The following KLRG1 variants were observed in gnomAD, a reference collection of about 807,000 sequenced individuals.
KLRG1 encodes the protein killer cell lectin like receptor G1.
In KLRG1, 16 loss-of-function variants were observed where a neutral mutation model predicts 21.8. That is an observed-to-expected ratio of 0.73 (90% CI 0.50 to 1.11). The LOEUF is 1.11. KLRG1 is among the 50% of genes most tolerant of loss of function. KLRG1 has a pLI of 0.00. For missense variants in KLRG1, 173 were observed against 218.3 expected (o/e 0.79, Z 1.31); for synonymous variants, 69 against 75.9 (o/e 0.91, Z 0.47).
At chr12:9,193,893 T>G in the KLRG1 span, among the ~76,000 whole-genome samples, 8 of 151,930 alleles carry the variant, frequency 5.3e-5, no homozygotes, top group Non-Finnish European at 1.2e-4. Context: ...ATCAGGCACT[T>G]CTGCAGTGCC....
At chr12:9,179,449 A>G in the KLRG1 span, among the ~76,000 whole-genome samples, 296 of 152,324 alleles carry the variant, frequency 1.9e-3, 1 homozygote, top group African/African-American at 6.9e-3. Context: ...TGTCACCCCC[A>G]TGAATTAATA....
the KLRG1 span, among the ~76,000 whole-genome samples, chr12:9,152,589 C>G: frequency 6.6e-6 from 1 of 152,128 alleles, no homozygotes; most frequent in Non-Finnish European, 1.5e-5. Flanking sequence ...TTTAACATAT[C>G]TATGGTTTTT....
At chr12:9,174,907 G>C in the KLRG1 span, among the ~76,000 whole-genome samples, 2 of 152,136 alleles carry the variant, frequency 1.3e-5, no homozygotes, top group Non-Finnish European at 2.9e-5. Context: ...TATAGATTCA[G>C]TGCTATTCCC....
At chr12:9,002,983 A>G (rs1428356944) in intron 3 of KLRG1, among the ~76,000 whole-genome samples, 1 of 151,628 alleles carries the variant, frequency 6.6e-6, no homozygotes, top group East Asian at 1.9e-4. Context: ...TTATTGTACT[A>G]TGGTTTTGAA....
At chr12:9,038,259 A>G in the KLRG1 span, among the ~76,000 whole-genome samples, 3 of 152,100 alleles carry the variant, frequency 2.0e-5, no homozygotes, top group African/African-American at 7.2e-5. Flanking sequence ...AGACCCTGCA[A>G]GGAATTGGCT....
chr12:8,971,884 A>G (rs781607806), intron 1 of KLRG1, among the ~76,000 whole-genome samples: 1 of 152,322 alleles, frequency 6.6e-6, no homozygotes, highest in African/African-American at 2.4e-5. Flanking sequence ...TGTATCAGCT[A>G]TTTATATATT....
chr12:9,180,855 G>A, the KLRG1 span: 12 of 928,056 alleles, frequency 1.3e-5, no homozygotes, highest in East Asian at 2.9e-5. Context: ...CCATCAGAGT[G>A]AACAGGCAAC....
the KLRG1 span, chr12:9,106,297 G>C: frequency 6.2e-7 from 1 of 1,613,538 alleles, no homozygotes; most frequent in Non-Finnish European, 8.5e-7. Flanking sequence ...TGAGAGTTTG[G>C]TTATGGTTCT....
At chr12:9,183,207 A>C in the KLRG1 span, among the ~76,000 whole-genome samples, 11 of 152,352 alleles carry the variant, frequency 7.2e-5, no homozygotes, top group South Asian at 2.1e-3. Flanking sequence ...TATCTAACAC[A>C]CAACATGAAG....
At chr12:9,090,281 A>G in the KLRG1 span, 2,036 of 1,598,044 alleles carry the variant, frequency 1.3e-3, 3 homozygotes, top group Non-Finnish European at 1.5e-3. Context: ...TGAAGGAAGT[A>G]GCACTCAATA....
chr12:9,132,919 G>A, the KLRG1 span, among the ~76,000 whole-genome samples: 1 of 152,134 alleles, frequency 6.6e-6, no homozygotes, highest in East Asian at 1.9e-4. Flanking sequence ...TCAGAGATGT[G>A]AAAAGATGTG....
chr12:9,076,585 T>G, the KLRG1 span, among the ~76,000 whole-genome samples: 1 of 152,226 alleles, frequency 6.6e-6, no homozygotes, highest in Non-Finnish European at 1.5e-5. Flanking sequence ...TGATTTCTGA[T>G]TTGATTAAGA....
the KLRG1 span, chr12:9,201,344 G>T: frequency 6.4e-7 from 1 of 1,555,880 alleles, no homozygotes. Context: ...TATATCAGTG[G>T]AATCTATATG....
chr12:9,153,105 A>G, the KLRG1 span: 17 of 1,612,748 alleles, frequency 1.1e-5, no homozygotes, highest in African/African-American at 1.7e-4. Flanking sequence ...ACTCTCACCC[A>G]TATAAGCTTG....
chr12:9,070,611 T>G, the KLRG1 span: 1 of 1,474,806 alleles, frequency 6.8e-7, no homozygotes, highest in Non-Finnish European at 9.4e-7. Context: ...GATTAGGGTT[T>G]TCTGTGTTTT....
At chr12:9,158,492 C>T in the KLRG1 span, 3 of 1,614,122 alleles carry the variant, frequency 1.9e-6, no homozygotes, top group Non-Finnish European at 8.5e-7. Context: ...GGGAGAGCCA[C>T]GTGAGAGATT....
the KLRG1 span, among the ~76,000 whole-genome samples, chr12:9,178,587 C>G: frequency 6.6e-6 from 1 of 152,202 alleles, no homozygotes. Flanking sequence ...AATCTTCTAT[C>G]TATCAAATGG....
chr12:8,994,057 C>T (rs772434951), intron 2 of KLRG1, among the ~76,000 whole-genome samples: 4 of 152,032 alleles, frequency 2.6e-5, no homozygotes, highest in African/African-American at 7.2e-5. Flanking sequence ...TATTCAGTTC[C>T]CTTTCATCTT....
chr12:9,120,235 G>A, the KLRG1 span, among the ~76,000 whole-genome samples: 2 of 152,126 alleles, frequency 1.3e-5, no homozygotes, highest in African/African-American at 4.8e-5. Context: ...ATCACCAATT[G>A]GGTTACCTGA....
Sources: allele counts gnomAD v4.1 joint callset (sites outside exome capture counted in the v4.1 genomes callset), GRCh38; gene constraint gnomAD v4.1.1; transcripts MANE v1.5; gene names NCBI Gene and HGNC (gene_info 2026-07-23, HGNC 2026-07-21).